CALCR: variants seen among roughly 807,000 people sequenced by gnomAD.
CALCR encodes calcitonin receptor.
A neutral mutation model predicts 59.5 loss-of-function variants in CALCR; 47 were observed. That is an observed-to-expected ratio of 0.79 (90% CI 0.63 to 1.01). The LOEUF is 1.01. Among genes scored for constraint, CALCR ranks in the 50% least tolerant of loss-of-function variants. The pLI, the probability that CALCR is intolerant of heterozygous loss-of-function variation, is 0.00. For missense variants in CALCR, 566 were observed against 597.1 expected (o/e 0.95, Z 0.54); for synonymous variants, 213 against 211.3 (o/e 1.01, Z -0.07).
chr7:93,498,398 C>T (rs1345656799), intron 2 of CALCR, among the ~76,000 whole-genome samples: 4 of 151,512 alleles, frequency 2.6e-5, no homozygotes, highest in African/African-American at 9.7e-5. Flanking sequence ...TGTGCCATTA[C>T]CCAAATGGCT....
At chr7:93,492,862 G>A (rs1355982940) in intron 2 of CALCR, among the ~76,000 whole-genome samples, 1 of 151,292 alleles carries the variant, frequency 6.6e-6, no homozygotes, top group African/African-American at 2.4e-5. Flanking sequence ...GAAAAGCAAA[G>A]ACCTCTTAGT....
chr7:93,437,214 A>C (rs1799799473), intron 11 of CALCR, among the ~76,000 whole-genome samples: 1 of 152,178 alleles, frequency 6.6e-6, no homozygotes, highest in African/African-American at 2.4e-5. Context: ...CTAGATAATT[A>C]AGGCAAGAAA....
intron 3 of CALCR, among the ~76,000 whole-genome samples, chr7:93,485,938 G>A (rs1216737156): frequency 6.6e-6 from 1 of 151,486 alleles, no homozygotes; most frequent in East Asian, 1.9e-4. Context: ...AATAAAAATT[G>A]CCTTACAAAT....
chr7:93,432,750 C>T (rs962811805), intron 13 of CALCR, among the ~76,000 whole-genome samples: 1 of 152,226 alleles, frequency 6.6e-6, no homozygotes, highest in Non-Finnish European at 1.5e-5. Flanking sequence ...CCTGATTTCT[C>T]ATATTAGCTC....
rs547077990 is a variant in CALCR at position 93,480,549 on chromosome 7, T to C, written c.52-1042A>G. Among the ~76,000 whole-genome samples, 15 of 152,036 alleles carry C rather than the reference T, an allele frequency of 9.9e-5. 1 individual carries two copies. The South Asian group carries it at 2.7e-3, about 27-fold the overall frequency. ...AGAAGTGGTGTTATGTACTCTTCTATATGTGCTAGTTTCTAAACAAAACTC... is the reference window on the plus strand; with the variant it reads ...AGAAGTGGTGTTATGTACTCTTCTACATGTGCTAGTTTCTAAACAAAACTC... On this transcript the variant is annotated intron_variant, in intron 3 of 13. Transcript: ENST00000426151.
At chr7:93,570,889 C>G (rs992464267) in intron 2 of CALCR, among the ~76,000 whole-genome samples, 4 of 152,070 alleles carry the variant, frequency 2.6e-5, no homozygotes, top group Admixed American at 6.5e-5. Context: ...TTTTGAAAAG[C>G]CAATTCAAGA....
At chr7:93,434,797 T>G (rs1799739873) in intron 12 of CALCR, among the ~76,000 whole-genome samples, 1 of 152,172 alleles carries the variant, frequency 6.6e-6, no homozygotes, top group Non-Finnish European at 1.5e-5. Flanking sequence ...TGAGTCCTGG[T>G]CACTGCTTGA....
chr7:93,482,880 G>A (rs759890712), intron 3 of CALCR: 2 of 532,222 alleles, frequency 3.8e-6, no homozygotes, highest in South Asian at 1.4e-5. Context: ...GTTGTCAGAT[G>A]AGCAGTAATA....
chr7:93,503,439 C>T (rs1002907449), intron 2 of CALCR, among the ~76,000 whole-genome samples: 36 of 150,214 alleles, frequency 2.4e-4, no homozygotes, highest in Admixed American at 4.6e-4. Context: ...CACATACACA[C>T]GACACAGAGG....
chr7:93,483,021 G>A (rs1800834795), intron 3 of CALCR, among the ~76,000 whole-genome samples: 1 of 151,740 alleles, frequency 6.6e-6, no homozygotes, highest in African/African-American at 2.4e-5. Context: ...TATACATACA[G>A]TCATCCCTTG....
At chr7:93,430,473 A>G (rs1002001475) in intron 13 of CALCR, among the ~76,000 whole-genome samples, 2 of 152,174 alleles carry the variant, frequency 1.3e-5, no homozygotes, top group African/African-American at 4.8e-5. Context: ...CCCATTCATT[A>G]TCTCTTTTCT....
chr7:93,453,969 A>G (rs1010417741), intron 8 of CALCR, among the ~76,000 whole-genome samples: 1 of 152,108 alleles, frequency 6.6e-6, no homozygotes. Flanking sequence ...TTCCATTACC[A>G]CATCTTGGCA....
At chr7:93,447,461 C>T (rs1452560086) in intron 8 of CALCR, among the ~76,000 whole-genome samples, 1 of 151,932 alleles carries the variant, frequency 6.6e-6, no homozygotes, top group Non-Finnish European at 1.5e-5. Flanking sequence ...TTTTGAGAAA[C>T]AAGACCAACC....
chr7:93,568,894 C>T lies in CALCR; in HGVS notation c.-27+5395G>A, dbSNP rs149926642. 7.9e-3 allele frequency among the ~76,000 whole-genome samples: 1,207 copies of T among 151,898 alleles called. 20 individuals are homozygous for T. The highest frequency in any genetic ancestry group is 0.028 in the African/African-American group (1,151 of 41,466). ...CCAAAGACATTATTTTTTTTTCCTC[C>T]AAATTCAACTATTTATCTTGCCTGT... On this transcript the variant is annotated intron_variant, in intron 2 of 13. Transcript: ENST00000426151.
rs546932316 is a variant in CALCR at position 93,550,640 on chromosome 7, C to CACACAA, written c.-27+23648_-27+23649insTTGTGT. 8.9e-5 allele frequency among the ~76,000 whole-genome samples: 13 copies of CACACAA among 146,852 alleles called. 1 individual carries two copies. Among genetic ancestry groups the CACACAA allele is most frequent in the South Asian group, 4.3e-4 (2 of 4,604 alleles). Reference sequence around the variant, plus strand: ...ACACACACACACACACACACACACACGAGAGACAGAGTTTTGTAACAATTG... The same window carrying CACACAA: ...ACACACACACACACACACACACACACACACAAGAGAGACAGAGTTTTGTAACAATTG... On this transcript the variant is annotated intron_variant, in intron 2 of 13. Coordinates refer to ENST00000426151, the MANE Select transcript of CALCR (RefSeq NM_001742.4).
At chr7:93,511,895 A>G (rs1252309325) in intron 2 of CALCR, among the ~76,000 whole-genome samples, 1 of 152,214 alleles carries the variant, frequency 6.6e-6, no homozygotes, top group Non-Finnish European at 1.5e-5. Flanking sequence ...AGCAAAAGAA[A>G]GAATCTTCTT....
intron 7 of CALCR, among the ~76,000 whole-genome samples, chr7:93,467,252 G>A (rs1017298184): frequency 4.0e-5 from 6 of 151,634 alleles, no homozygotes; most frequent in African/African-American, 1.2e-4. Flanking sequence ...TCTAATTTGA[G>A]TAATTAATAC....
At chr7:93,485,950 A>G (rs946996535) in intron 3 of CALCR, among the ~76,000 whole-genome samples, 1 of 151,804 alleles carries the variant, frequency 6.6e-6, no homozygotes, top group East Asian at 2.0e-4. Context: ...CTTACAAATT[A>G]AATTAACATT....
intron 2 of CALCR, among the ~76,000 whole-genome samples, chr7:93,497,508 G>A (rs1170653949): frequency 6.6e-6 from 1 of 151,552 alleles, no homozygotes; most frequent in African/African-American, 2.4e-5. Context: ...AAGGAGATTA[G>A]GAGATTAGGT....
Sources: gnomAD v4.1 joint callset for allele counts (sites outside exome capture counted in the v4.1 genomes callset) on GRCh38, gnomAD v4.1.1 for gene constraint, MANE v1.5 for transcripts, NCBI Gene and HGNC (gene_info 2026-07-23, HGNC 2026-07-21) for gene names.